TENM2: variants seen among roughly 807,000 people sequenced by gnomAD.
TENM2 encodes the protein teneurin transmembrane protein 2.
Under a neutral mutation model 245.2 loss-of-function variants are expected in TENM2, and 52 were observed. The observed-to-expected ratio is 0.21, with a 90% CI of 0.17 to 0.27. TENM2 has a LOEUF of 0.27. Ranked by LOEUF, TENM2 falls within the 10% of genes least tolerant of loss-of-function variation. The pLI is 1.00. For missense variants in TENM2, 3,046 were observed against 3,666.8 expected, an observed-to-expected ratio of 0.83 and a Z score of 4.37; for synonymous variants, 1,363 against 1,438.9, an observed-to-expected ratio of 0.95 and a Z score of 1.19.
At chr5:168,213,961 C>T (rs1355728054) in intron 20 of TENM2, among the ~76,000 whole-genome samples, 2 of 152,220 alleles carry the variant, frequency 1.3e-5, no homozygotes, top group African/African-American at 2.4e-5. Context: ...ATAGGAATAA[C>T]ATGAGCACCT....
intron 2 of TENM2, among the ~76,000 whole-genome samples, chr5:167,684,374 A>G (rs1215007808): frequency 2.0e-5 from 3 of 152,214 alleles, no homozygotes; most frequent in Non-Finnish European, 4.4e-5. Context: ...CTGTGCCTTC[A>G]GCATGAAAAA....
the TENM2 span, among the ~76,000 whole-genome samples, chr5:167,276,350 TTTTGTGTGTGTGTGTGTG>T: frequency 4.7e-3 from 672 of 143,712 alleles, 7 homozygotes; most frequent in African/African-American, 0.016. Flanking sequence ...AGCCTGTTCA[TTTTGTGTGTGTGTGTGTG>T]TGTGTGTGTG....
intron 2 of TENM2, among the ~76,000 whole-genome samples, chr5:167,564,016 A>G (rs1773751868): frequency 6.6e-6 from 1 of 152,184 alleles, no homozygotes; most frequent in Non-Finnish European, 1.5e-5. Flanking sequence ...TACTAAGTCT[A>G]TCCTATGTAC....
intron 19 of TENM2, among the ~76,000 whole-genome samples, chr5:168,209,068 T>A (rs1054261701): frequency 8.5e-5 from 13 of 152,234 alleles, no homozygotes; most frequent in Admixed American, 7.8e-4. Flanking sequence ...TGTAATTTCA[T>A]TATCTATAGA....
intron 6 of TENM2, among the ~76,000 whole-genome samples, chr5:168,054,816 G>A (rs1260994214): frequency 1.3e-5 from 2 of 152,222 alleles, no homozygotes; most frequent in Non-Finnish European, 2.9e-5. Context: ...GAGTTATAGA[G>A]TTGGACTATC....
chr5:167,083,897 A>G, the TENM2 span, among the ~76,000 whole-genome samples: 49 of 152,252 alleles, frequency 3.2e-4, no homozygotes, highest in South Asian at 9.7e-3. Flanking sequence ...TCTGTTCTAG[A>G]CTGTGTGTGT....
At chr5:167,505,131 A>G (rs1488193618) in intron 2 of TENM2, among the ~76,000 whole-genome samples, 1 of 152,124 alleles carries the variant, frequency 6.6e-6, no homozygotes, top group Non-Finnish European at 1.5e-5. Flanking sequence ...CCTCAGTACC[A>G]TTGTATTTGA....
chr5:167,072,849 A>G, the TENM2 span, among the ~76,000 whole-genome samples: 1 of 152,208 alleles, frequency 6.6e-6, no homozygotes, highest in Non-Finnish European at 1.5e-5. Context: ...AATTATTTGT[A>G]AATCTGAAGA....
At chr5:167,266,997 A>G in the TENM2 span, among the ~76,000 whole-genome samples, 7 of 152,236 alleles carry the variant, frequency 4.6e-5, no homozygotes, top group East Asian at 1.4e-3. Flanking sequence ...GCTTGGTGTC[A>G]TTGGTCAGTC....
chr5:167,638,158 T>C (rs1779338361), intron 2 of TENM2, among the ~76,000 whole-genome samples: 1 of 148,208 alleles, frequency 6.7e-6, no homozygotes, highest in Admixed American at 6.8e-5. Flanking sequence ...GGGGCATGCA[T>C]ACACAAGTGC....
rs184007471 is a variant in TENM2 at position 167,957,840 on chromosome 5, T to A, written c.947+5018T>A. Among the ~76,000 whole-genome samples, 436 of 152,282 alleles carry A rather than the reference T, an allele frequency of 2.9e-3. 2 individuals carry two copies. The highest frequency in any genetic ancestry group is 0.014 in the Middle Eastern group (4 of 294). On this transcript the variant is annotated intron_variant, in intron 4 of 28. Transcript: ENST00000518659. ...TTGATTGCACTGTGGTCTGAGAGAC[T>A]GTTTGTTATGATTTCCATTCTTTTG...
At chr5:167,129,876 C>A in the TENM2 span, among the ~76,000 whole-genome samples, 18 of 152,178 alleles carry the variant, frequency 1.2e-4, no homozygotes, top group South Asian at 3.7e-3. Flanking sequence ...GTCTAATATT[C>A]ATCACCAACA....
chr5:168,012,711 T>G (rs575196369), intron 5 of TENM2, among the ~76,000 whole-genome samples: 2 of 137,220 alleles, frequency 1.5e-5, no homozygotes, highest in Non-Finnish European at 3.0e-5. Flanking sequence ...CTTCTCAGGA[T>G]GCTCAGCCAA....
At chr5:166,985,470 A>G in the TENM2 span, among the ~76,000 whole-genome samples, 2 of 152,164 alleles carry the variant, frequency 1.3e-5, no homozygotes, top group African/African-American at 4.8e-5. Flanking sequence ...TTTTAATCCT[A>G]TGAATAATAA....
chr5:167,419,100 C>T (rs1329947703), intron 2 of TENM2, among the ~76,000 whole-genome samples: 6 of 147,070 alleles, frequency 4.1e-5, no homozygotes, highest in Non-Finnish European at 9.1e-5. Flanking sequence ...TATGTATATA[C>T]ACACACACAT....
chr5:167,054,098 C>T, the TENM2 span, among the ~76,000 whole-genome samples: 10 of 152,244 alleles, frequency 6.6e-5, no homozygotes, highest in South Asian at 1.7e-3. Context: ...TTGCACGTTA[C>T]GTGGGTTTTG....
At chr5:168,074,029 T>G (rs1009819576) in intron 7 of TENM2, among the ~76,000 whole-genome samples, 3 of 152,208 alleles carry the variant, frequency 2.0e-5, no homozygotes, top group Admixed American at 6.5e-5. Context: ...GGAAATGAAT[T>G]GTCTCTGCCT....
At chr5:167,064,011 G>C in the TENM2 span, among the ~76,000 whole-genome samples, 2 of 152,170 alleles carry the variant, frequency 1.3e-5, no homozygotes, top group African/African-American at 2.4e-5. Context: ...CAAACGTTGG[G>C]AGTCTGCGTG....
chr5:167,042,366 A>C, the TENM2 span, among the ~76,000 whole-genome samples: 2 of 152,160 alleles, frequency 1.3e-5, no homozygotes, highest in South Asian at 4.1e-4. Flanking sequence ...GTATCTCTGG[A>C]GGTTTTGATC....
Sources: allele counts gnomAD v4.1 joint callset (sites outside exome capture counted in the v4.1 genomes callset), GRCh38; gene constraint gnomAD v4.1.1; transcripts MANE v1.5; gene names NCBI Gene and HGNC (gene_info 2026-07-23, HGNC 2026-07-21).